SH3BGRL2: variants seen among roughly 807,000 people sequenced by gnomAD.
The protein encoded by SH3BGRL2 is SH3 domain-binding glutamic acid-rich-like protein 2.
SH3BGRL2 carries 21 observed loss-of-function variants against 14.8 expected under a neutral mutation model. The observed-to-expected ratio is 1.42, with a 90% CI of 1.01 to 2.05. SH3BGRL2 has a LOEUF of 2.05. Ranked by LOEUF, SH3BGRL2 falls within the 30% of genes most tolerant of loss-of-function variation. The pLI is 0.00. For missense variants in SH3BGRL2, 147 were observed against 130.8 expected (o/e 1.12, Z -0.61); for synonymous variants, 50 against 47.8 (o/e 1.05, Z -0.19).
the SH3BGRL2 span, among the ~76,000 whole-genome samples, chr6:79,614,508 C>A: frequency 6.6e-6 from 1 of 152,170 alleles, no homozygotes; most frequent in Non-Finnish European, 1.5e-5. Flanking sequence ...AGGGTCTAGA[C>A]TTCAGACTTT....
At chr6:79,567,780 A>G in the SH3BGRL2 span, among the ~76,000 whole-genome samples, 3 of 152,244 alleles carry the variant, frequency 2.0e-5, no homozygotes, top group African/African-American at 7.2e-5. Context: ...TTATTGAAAG[A>G]CACCATAAAA....
At chr6:79,565,084 TC>T in the SH3BGRL2 span, among the ~76,000 whole-genome samples, 1 of 152,116 alleles carries the variant, frequency 6.6e-6, no homozygotes, top group Non-Finnish European at 1.5e-5. Context: ...GCTCTTTTTT[TC>T]CCCCTCCACA....
intron 1 of SH3BGRL2, among the ~76,000 whole-genome samples, chr6:79,664,958 T>G (rs567959197): frequency 1.7e-3 from 265 of 152,276 alleles, no homozygotes; most frequent in African/African-American, 6.2e-3. Context: ...TCCCAGCACT[T>G]TGGGAGGCTG....
intron 1 of SH3BGRL2, among the ~76,000 whole-genome samples, chr6:79,671,533 A>G (rs528198831): frequency 2.8e-4 from 43 of 152,340 alleles, no homozygotes; most frequent in East Asian, 1.9e-3. Flanking sequence ...TTGCTTAGGA[A>G]ATTCCTTTTG....
At chr6:79,618,249 C>G in the SH3BGRL2 span, among the ~76,000 whole-genome samples, 3 of 152,154 alleles carry the variant, frequency 2.0e-5, no homozygotes, top group Non-Finnish European at 4.4e-5. Flanking sequence ...GTTCTTTTGT[C>G]TCTCTTTCAA....
At chr6:79,613,733 A>G in the SH3BGRL2 span, among the ~76,000 whole-genome samples, 1 of 151,898 alleles carries the variant, frequency 6.6e-6, no homozygotes, top group East Asian at 1.9e-4. Flanking sequence ...CAGCCTCCTG[A>G]GTAGCTGGGA....
the SH3BGRL2 span, among the ~76,000 whole-genome samples, chr6:79,545,008 T>TG: frequency 6.6e-6 from 1 of 152,216 alleles, no homozygotes; most frequent in African/African-American, 2.4e-5. Context: ...ACTGATCTGA[T>TG]GCAGTGTCTC....
chr6:79,689,053 C>T (rs1321915408), intron 2 of SH3BGRL2, among the ~76,000 whole-genome samples: 1 of 152,086 alleles, frequency 6.6e-6, no homozygotes, highest in Non-Finnish European at 1.5e-5. Context: ...CATGGCGTGT[C>T]ATTAATTAAC....
At chr6:79,686,497 G>A (rs16890936) in intron 2 of SH3BGRL2, among the ~76,000 whole-genome samples, 3,232 of 151,956 alleles carry the variant, frequency 0.021, 99 homozygotes, top group African/African-American at 0.074. Context: ...TAGATCTCTA[G>A]CCTGGTTTTT....
chr6:79,668,108 A>G (rs1032306162), intron 1 of SH3BGRL2, among the ~76,000 whole-genome samples: 1 of 152,178 alleles, frequency 6.6e-6, no homozygotes, highest in African/African-American at 2.4e-5. Context: ...TGGAATTCAA[A>G]CATGGCTAGA....
At chr6:79,648,255 C>CATATATATATATAT (rs60702112) in intron 1 of SH3BGRL2, among the ~76,000 whole-genome samples, 4,779 of 61,904 alleles carry the variant, frequency 0.077, 261 homozygotes, top group East Asian at 0.11. Flanking sequence ...ATTCTTTTGG[C>CATATATATATATAT]ATATATATAT....
intron 1 of SH3BGRL2, among the ~76,000 whole-genome samples, chr6:79,668,488 G>A (rs929203092): frequency 6.6e-6 from 1 of 152,078 alleles, no homozygotes; most frequent in Non-Finnish European, 1.5e-5. Context: ...GGGGTCCTCA[G>A]GAGATTCACA....
chr6:79,698,521 C>A (rs1430512705), intron 3 of SH3BGRL2, among the ~76,000 whole-genome samples: 1 of 152,150 alleles, frequency 6.6e-6, no homozygotes, highest in East Asian at 1.9e-4. Flanking sequence ...ACATCATTAG[C>A]ACCTATAATT....
intron 1 of SH3BGRL2, among the ~76,000 whole-genome samples, chr6:79,650,578 A>G (rs1205071932): frequency 2.0e-5 from 3 of 152,112 alleles, no homozygotes; most frequent in African/African-American, 7.2e-5. Context: ...ACATGGAGAG[A>G]GGAAGGACAT....
At chr6:79,655,069 G>C (rs1769378077) in intron 1 of SH3BGRL2, among the ~76,000 whole-genome samples, 1 of 152,000 alleles carries the variant, frequency 6.6e-6, no homozygotes, top group African/African-American at 2.4e-5. Flanking sequence ...TTTTTTGTGT[G>C]GGGGGGTCGG....
At chr6:79,540,501 T>C in the SH3BGRL2 span, among the ~76,000 whole-genome samples, 3 of 152,090 alleles carry the variant, frequency 2.0e-5, no homozygotes, top group Non-Finnish European at 4.4e-5. Flanking sequence ...AGTGGGCTGC[T>C]CTGATGAAAA....
At chr6:79,673,295 C>A (rs756812933) in intron 1 of SH3BGRL2, among the ~76,000 whole-genome samples, 26 of 152,038 alleles carry the variant, frequency 1.7e-4, no homozygotes, top group Non-Finnish European at 2.8e-4. Context: ...GTGTTAGTGG[C>A]CGGGTGCAGT....
the SH3BGRL2 span, among the ~76,000 whole-genome samples, chr6:79,604,891 C>T: frequency 0.094 from 14,357 of 152,158 alleles, 833 homozygotes; most frequent in Non-Finnish European, 0.13. Flanking sequence ...GTGCAGTTTA[C>T]ATGTGAGAGG....
chr6:79,608,185 T>C, the SH3BGRL2 span, among the ~76,000 whole-genome samples: 3 of 152,170 alleles, frequency 2.0e-5, no homozygotes, highest in Non-Finnish European at 4.4e-5. Context: ...TCAGCCCCCA[T>C]GATCCAATCA....
Sources: allele counts gnomAD v4.1 joint callset (sites outside exome capture counted in the v4.1 genomes callset), GRCh38; gene constraint gnomAD v4.1.1; transcripts MANE v1.5; gene names NCBI Gene and HGNC (gene_info 2026-07-23, HGNC 2026-07-21).